Variants in LUZP2 observed in about 807,000 individuals in gnomAD.
The protein encoded by LUZP2 is leucine zipper protein 2.
LUZP2 carries 52 observed loss-of-function variants against 51.6 expected under a neutral mutation model. The ratio of observed to expected loss-of-function variants is 1.01; its 90% CI spans 0.81 to 1.27. LUZP2 has a LOEUF of 1.27. Among genes scored for constraint, LUZP2 ranks in the 50% most tolerant of loss-of-function variants. The pLI is 0.00. For synonymous variants in LUZP2, 154 were observed against 137.3 expected, an observed-to-expected ratio of 1.12 and a Z score of -0.85; for missense variants, 436 against 395.4, an observed-to-expected ratio of 1.10 and a Z score of -0.87.
chr11:24,923,370 T>A (rs1854132332), intron 7 of LUZP2, among the ~76,000 whole-genome samples: 2 of 152,022 alleles, frequency 1.3e-5, no homozygotes, highest in Admixed American at 1.3e-4. Flanking sequence ...CTCTCCAAAC[T>A]GCCTCCCATT....
At chr11:24,562,001 A>G (rs1852056212) in intron 1 of LUZP2, among the ~76,000 whole-genome samples, 1 of 152,052 alleles carries the variant, frequency 6.6e-6, no homozygotes, top group African/African-American at 2.4e-5. Flanking sequence ...AACAATTTGA[A>G]TTATGTGTGG....
chr11:24,895,592 T>A (rs1258864131), intron 5 of LUZP2, among the ~76,000 whole-genome samples: 1 of 152,230 alleles, frequency 6.6e-6, no homozygotes, highest in Non-Finnish European at 1.5e-5. Context: ...TAGCTCCCAT[T>A]TATAAGTGAG....
intron 7 of LUZP2, among the ~76,000 whole-genome samples, chr11:24,934,403 C>T (rs1415018295): frequency 1.3e-5 from 2 of 152,168 alleles, no homozygotes; most frequent in African/African-American, 4.8e-5. Flanking sequence ...GCATAAAACA[C>T]ACTTGTTCCA....
At chr11:24,576,620 A>G (rs1590200641) in intron 1 of LUZP2, among the ~76,000 whole-genome samples, 1 of 152,044 alleles carries the variant, frequency 6.6e-6, no homozygotes, top group Non-Finnish European at 1.5e-5. Flanking sequence ...ACAGTGCCGA[A>G]TTGCCAATGC....
At chr11:24,715,001 A>G (rs561597215) in intron 1 of LUZP2, among the ~76,000 whole-genome samples, 1 of 152,168 alleles carries the variant, frequency 6.6e-6, no homozygotes, top group East Asian at 1.9e-4. Flanking sequence ...GAGAAACAGA[A>G]TATCTCCTAT....
At chr11:24,775,853 A>C (rs1848900323) in intron 5 of LUZP2, among the ~76,000 whole-genome samples, 1 of 152,142 alleles carries the variant, frequency 6.6e-6, no homozygotes, top group Admixed American at 6.5e-5. Flanking sequence ...ATATTATTTT[A>C]TGTACCTCAA....
chr11:25,051,182 G>T (rs577972684), intron 10 of LUZP2, among the ~76,000 whole-genome samples: 1 of 152,164 alleles, frequency 6.6e-6, no homozygotes, highest in Non-Finnish European at 1.5e-5. Context: ...AGTGGATTTA[G>T]AAAAATGAAT....
chr11:25,043,892 C>A (rs1858160615), intron 9 of LUZP2, among the ~76,000 whole-genome samples: 1 of 137,932 alleles, frequency 7.2e-6, no homozygotes, highest in African/African-American at 2.6e-5. Flanking sequence ...GGGTCTCAGA[C>A]TATATATATA....
chr11:24,774,523 G>A (rs1565131529), intron 5 of LUZP2, among the ~76,000 whole-genome samples: 114 of 88,622 alleles, frequency 1.3e-3, no homozygotes, highest in African/African-American at 3.1e-3. Context: ...CTATATATAT[G>A]TAGAATATAT....
intron 5 of LUZP2, among the ~76,000 whole-genome samples, chr11:24,765,678 A>G (rs1190439797): frequency 1.5e-5 from 2 of 136,672 alleles, no homozygotes; most frequent in South Asian, 4.5e-4. Context: ...CCCAGGCTGG[A>G]GTGCCGTGGC....
intron 9 of LUZP2, among the ~76,000 whole-genome samples, chr11:25,009,085 A>G (rs11028343): frequency 0.4 from 60,338 of 152,024 alleles, 14,469 homozygotes; most frequent in East Asian, 0.78. Context: ...AAAACTTTTC[A>G]GTCTTTGCCT....
At chr11:24,691,342 G>A (rs1005692162) in intron 1 of LUZP2, among the ~76,000 whole-genome samples, 14 of 151,920 alleles carry the variant, frequency 9.2e-5, no homozygotes, top group African/African-American at 3.4e-4. Flanking sequence ...AGCAAAAATA[G>A]TGGTATATTA....
Position 24,983,267 on chromosome 11 carries a change from C to G in LUZP2, c.739C>G (p.Leu247Val), listed in dbSNP as rs145329776. 1.5e-4 allele frequency: 245 copies of G among 1,611,722 alleles called. No homozygotes were observed. The highest frequency in any genetic ancestry group is 1.9e-4 in the Non-Finnish European group (226 of 1,178,616). Reference protein sequence around the residue: ...LLPPRNIASKLPDAAAKSKPQ... With the variant: ...LLPPRNIASKVPDAAAKSKPQ... ...CCCACCCAGGAATATTGCCTCTAAG[C>G]TTCCAGATGCAGCGGCCAAAAGCAA... Residue 247 changes from leucine (L) to valine (V), a missense_variant, in exon 9 of 12, where the codon CTT (leucine) becomes GTT (valine). Coordinates refer to ENST00000336930, the MANE Select transcript of LUZP2 (RefSeq NM_001009909.4).
intron 10 of LUZP2, among the ~76,000 whole-genome samples, chr11:25,069,539 A>G (rs1192637341): frequency 6.6e-6 from 1 of 151,870 alleles, no homozygotes; most frequent in Non-Finnish European, 1.5e-5. Flanking sequence ...TGATCACTTG[A>G]GCATGTTTTC....
intron 1 of LUZP2, among the ~76,000 whole-genome samples, chr11:24,581,833 T>C (rs1852867210): frequency 6.6e-6 from 1 of 152,134 alleles, no homozygotes; most frequent in South Asian, 2.1e-4. Context: ...AGCAGTTATG[T>C]GCTATCAAAT....
chr11:24,613,223 A>G (rs1854177305), intron 1 of LUZP2, among the ~76,000 whole-genome samples: 1 of 152,122 alleles, frequency 6.6e-6, no homozygotes, highest in South Asian at 2.1e-4. Flanking sequence ...GGTGAATTCT[A>G]TCTGACATAG....
At chr11:24,805,532 T>C (rs538624694) in intron 5 of LUZP2, among the ~76,000 whole-genome samples, 70 of 152,276 alleles carry the variant, frequency 4.6e-4, no homozygotes, top group African/African-American at 1.5e-3. Context: ...AACATTCTCT[T>C]GGATTTGCCC....
chr11:24,971,536 AG>A (rs1198162019), intron 7 of LUZP2, among the ~76,000 whole-genome samples: 1 of 152,160 alleles, frequency 6.6e-6, no homozygotes, highest in Non-Finnish European at 1.5e-5. Context: ...TGGGTAGGAT[AG>A]TCACTATTAG....
intron 1 of LUZP2, among the ~76,000 whole-genome samples, chr11:24,641,810 A>C (rs1266954305): frequency 6.6e-6 from 1 of 151,980 alleles, no homozygotes; most frequent in African/African-American, 2.4e-5. Context: ...AAAAAATTGC[A>C]ATTGTTATCT....
Sources: gnomAD v4.1 joint callset for allele counts (sites outside exome capture counted in the v4.1 genomes callset) on GRCh38, gnomAD v4.1.1 for gene constraint, MANE v1.5 for transcripts, NCBI Gene and HGNC (gene_info 2026-07-23, HGNC 2026-07-21) for gene names.